Variants in MNAT1 observed in about 807,000 individuals in gnomAD.
MNAT1 encodes the protein MNAT1 component of CDK activating kinase, also known as CDK-activating kinase assembly factor MAT1.
A neutral mutation model predicts 42.0 loss-of-function variants in MNAT1; 43 were observed. That is an observed-to-expected ratio of 1.02 (90% CI 0.80 to 1.32). The LOEUF (loss-of-function observed/expected upper bound fraction) is 1.32. MNAT1 is among the 40% of genes most tolerant of loss of function. MNAT1 has a pLI of 0.00. For synonymous variants in MNAT1, 118 were observed against 120.0 expected (o/e 0.98, Z 0.11); for missense variants, 306 against 350.4 (o/e 0.87, Z 1.01).
intron 7 of MNAT1, among the ~76,000 whole-genome samples, chr14:60,924,264 G>A (rs1041535125): frequency 6.6e-6 from 1 of 151,716 alleles, no homozygotes; most frequent in South Asian, 2.1e-4. Context: ...TGCTTTGGGG[G>A]ATATTTGCAA....
intron 1 of MNAT1, among the ~76,000 whole-genome samples, chr14:60,780,978 A>C (rs2031438899): frequency 1.3e-5 from 2 of 152,230 alleles, no homozygotes; most frequent in African/African-American, 4.8e-5. Context: ...TTTAATTATA[A>C]AATACAGCAA....
At chr14:60,937,395 A>C (rs2036021664) in intron 7 of MNAT1, among the ~76,000 whole-genome samples, 2 of 152,158 alleles carry the variant, frequency 1.3e-5, no homozygotes, top group Admixed American at 1.3e-4. Context: ...TCTTGAATTA[A>C]TTTTAGTATA....
chr14:60,822,222 G>A (rs923832039), intron 6 of MNAT1, among the ~76,000 whole-genome samples: 2 of 152,092 alleles, frequency 1.3e-5, no homozygotes, highest in Non-Finnish European at 2.9e-5. Context: ...TGGTCTTTCT[G>A]TGTTTCGTAA....
chr14:60,944,507 A>G (rs989774628), intron 7 of MNAT1, among the ~76,000 whole-genome samples: 7 of 152,236 alleles, frequency 4.6e-5, no homozygotes, highest in Non-Finnish European at 8.8e-5. Flanking sequence ...ATTATGAGAA[A>G]TAGACTTCTA....
chr14:60,929,164 A>T (rs57979441), intron 7 of MNAT1, among the ~76,000 whole-genome samples: 2,166 of 118,250 alleles, frequency 0.018, 29 homozygotes, highest in African/African-American at 0.042. Flanking sequence ...AAAAAAAAAA[A>T]AAAAAAATAT....
intron 7 of MNAT1, among the ~76,000 whole-genome samples, chr14:60,893,104 A>G (rs1412955900): frequency 2.0e-5 from 3 of 151,824 alleles, no homozygotes; most frequent in African/African-American, 7.3e-5. Flanking sequence ...TTTTACTTAC[A>G]CCTCTTGTAT....
chr14:60,888,027 G>C (rs562973026), intron 7 of MNAT1, among the ~76,000 whole-genome samples: 6 of 150,042 alleles, frequency 4.0e-5, no homozygotes, highest in Non-Finnish European at 8.9e-5. Flanking sequence ...GTACAAGGAG[G>C]AACTGGTACC....
intron 6 of MNAT1, among the ~76,000 whole-genome samples, chr14:60,873,214 T>C (rs2034366725): frequency 6.6e-6 from 1 of 152,178 alleles, no homozygotes; most frequent in South Asian, 2.1e-4. Flanking sequence ...TTATACTTTG[T>C]CATCTTTATT....
intron 6 of MNAT1, among the ~76,000 whole-genome samples, chr14:60,862,004 C>T (rs368287772): frequency 1.2e-4 from 19 of 152,046 alleles, no homozygotes; most frequent in Admixed American, 5.2e-4. Flanking sequence ...TGGGAATGCC[C>T]GAATTACAAT....
chr14:60,739,741 TG>T (rs1896411721), intron 1 of MNAT1, among the ~76,000 whole-genome samples: 1 of 152,154 alleles, frequency 6.6e-6, no homozygotes, highest in African/African-American at 2.4e-5. Flanking sequence ...TTACAGAAAA[TG>T]GTAATTTTTT....
chr14:60,940,014 G>A (rs1431637723), intron 7 of MNAT1, among the ~76,000 whole-genome samples: 1 of 152,110 alleles, frequency 6.6e-6, no homozygotes, highest in East Asian at 1.9e-4. Flanking sequence ...CTTGATCTTT[G>A]TTGGTTTAAA....
intron 6 of MNAT1, among the ~76,000 whole-genome samples, chr14:60,820,048 A>G (rs1230441075): frequency 6.6e-6 from 1 of 152,148 alleles, no homozygotes; most frequent in Non-Finnish European, 1.5e-5. Context: ...TTAAAATTCA[A>G]GATGATGGAG....
chr14:60,849,737 A>G (rs2033773875), intron 6 of MNAT1, among the ~76,000 whole-genome samples: 1 of 152,268 alleles, frequency 6.6e-6, no homozygotes, highest in Non-Finnish European at 1.5e-5. Flanking sequence ...CCATTGTACC[A>G]CCAGTAAGGA....
intron 6 of MNAT1, among the ~76,000 whole-genome samples, chr14:60,857,626 C>T (rs1036416366): frequency 3.9e-5 from 6 of 151,988 alleles, no homozygotes; most frequent in Non-Finnish European, 8.8e-5. Context: ...GTACAATGTG[C>T]AGGTTTGTTA....
rs1450360554 is a variant in MNAT1 at position 60,872,861 on chromosome 14, CACACACACAT to C, written c.688-6851_688-6842del. The stretch of plus-strand genomic sequence containing the variant: ...ACACACACACACACACACACACACA[CACACACACAT>C]ATATATATGCACTTTTTTTCCCCTG... On this transcript the variant is annotated intron_variant, in intron 6 of 7. Transcript: ENST00000261245. Among the ~76,000 whole-genome samples, 73 of 147,426 alleles carry C rather than the reference CACACACACAT, an allele frequency of 5.0e-4. 1 individual carries two copies. Among genetic ancestry groups the C allele is most frequent in the Non-Finnish European group, 7.6e-4 (51 of 67,400 alleles).
At chr14:60,738,691 A>C (rs914884223) in intron 1 of MNAT1, among the ~76,000 whole-genome samples, 3 of 151,456 alleles carry the variant, frequency 2.0e-5, no homozygotes, top group Non-Finnish European at 2.9e-5. Context: ...ATGCGCCACT[A>C]CCTCTGGCTA....
rs537546125 is a variant in MNAT1, at chr14:60,734,779, A to T, written c.-84A>T. 430 of 1,289,548 alleles carry T rather than the reference A, an allele frequency of 3.3e-4. No homozygotes were observed. The highest frequency in any genetic ancestry group is 4.0e-4 in the Non-Finnish European group (361 of 892,704). The allele number at this position is 1,289,548 out of a possible 1,614,324, so 79.9% of individuals were successfully genotyped here. ...CTCTGCCAAGCGCCTGTTGGTAGGA[A>T]CCTGCTTGGTCGCGTCTGAGGGGGC... On this transcript the variant is annotated 5_prime_UTR_variant, in exon 1 of 8. Coordinates refer to ENST00000261245, the MANE Select transcript of MNAT1 (RefSeq NM_002431.4). The surrounding 1 kb of genome is among the most constrained non-coding windows in gnomAD (Gnocchi z 4.3).
rs778648383 is a variant in MNAT1, at chr14:60,834,100, G to A, written c.687+15253G>A. On this transcript the variant is annotated intron_variant, in intron 6 of 7. Coordinates refer to ENST00000261245, the MANE Select transcript of MNAT1 (RefSeq NM_002431.4). ...GTCTGGATAATGGTCTATCTTTTTC[G>A]TTAATCTTTTCAAAAAACCAGCTCC... 9.2e-5 allele frequency among the ~76,000 whole-genome samples: 14 copies of A among 151,890 alleles called. No individual in the cohort carries two copies. The East Asian group carries it at 1.5e-3, about 17-fold the overall frequency.
intron 6 of MNAT1, among the ~76,000 whole-genome samples, chr14:60,861,861 T>C (rs1231604316): frequency 6.6e-6 from 1 of 152,196 alleles, no homozygotes; most frequent in African/African-American, 2.4e-5. Context: ...TAGAGATATT[T>C]CTTAGAACTC....
Sources: allele counts gnomAD v4.1 joint callset (sites outside exome capture counted in the v4.1 genomes callset), GRCh38; gene constraint gnomAD v4.1.1; non-coding constraint Gnocchi (gnomAD v3.1); transcripts MANE v1.5; gene names NCBI Gene and HGNC (gene_info 2026-07-23, HGNC 2026-07-21).